SPTBN1: variants seen among roughly 807,000 people sequenced by gnomAD.
The protein encoded by SPTBN1 is spectrin beta chain, non-erythrocytic 1.
In SPTBN1, 32 loss-of-function variants were observed where a neutral mutation model predicts 266.4. The observed-to-expected ratio is 0.12, with a 90% CI of 0.09 to 0.16. SPTBN1 has a LOEUF of 0.16. SPTBN1 is among the 10% of genes least tolerant of loss of function. SPTBN1 has a pLI of 1.00. For missense variants in SPTBN1, 2,296 were observed against 3,067.1 expected, an observed-to-expected ratio of 0.75 and a Z score of 5.94; for synonymous variants, 1,336 against 1,162.2, an observed-to-expected ratio of 1.15 and a Z score of -3.04.
chr2:54,639,827 C>G (rs146828579), intron 18 of SPTBN1, among the ~76,000 whole-genome samples: 3 of 152,324 alleles, frequency 2.0e-5, no homozygotes, highest in African/African-American at 7.2e-5. Context: ...TGTGACTTCT[C>G]CTCAAAGGAC....
intron 1 of SPTBN1, among the ~76,000 whole-genome samples, chr2:54,509,636 A>G (rs1246995850): frequency 6.6e-6 from 1 of 152,248 alleles, no homozygotes. Context: ...GAAAGCCTTC[A>G]TTAATTACAG....
At chr2:54,634,863 T>C (rs1190567429) in intron 17 of SPTBN1, among the ~76,000 whole-genome samples, 3 of 152,062 alleles carry the variant, frequency 2.0e-5, no homozygotes, top group African/African-American at 7.2e-5. Context: ...AAAGTGCCTG[T>C]GAGTGGGAAG....
chr2:54,629,733 GAGA>G lies in SPTBN1; in HGVS notation c.2602_2604del (p.Lys868del). The stretch of plus-strand genomic sequence containing the variant: ...TGATGCCTGTGAGCTCTGGATCGAC[GAGA>G]AGGAGCAGTGGCTCAACAACATGCA... On this transcript the variant is annotated inframe_deletion, in exon 14 of 36. Transcript: ENST00000356805. 3 of 1,612,300 alleles carry G rather than the reference GAGA, an allele frequency of 1.9e-6. No homozygotes were observed. Among genetic ancestry groups the G allele is most frequent in the Non-Finnish European group, 2.5e-6 (3 of 1,180,016 alleles).
chr2:54,668,704 G>C lies in SPTBN1; in HGVS notation c.*135G>C. The C allele has an allele frequency of 8.2e-6, 5 of 607,946 alleles. No individual in the cohort carries two copies. The highest frequency in any genetic ancestry group is 8.1e-4 in the Middle Eastern group (2 of 2,454). The allele number at this position is 607,946 out of a possible 1,614,324, so 37.7% of individuals were successfully genotyped here. On this transcript the variant is annotated 3_prime_UTR_variant, in exon 36 of 36. Transcript: ENST00000356805. ...GATTTTTTTTTTTTTTTAATTTATA[G>C]AGCATTTCGGGGGGGGTGGGGGAAA...
intron 26 of SPTBN1, among the ~76,000 whole-genome samples, chr2:54,650,632 T>G (rs1680213427): frequency 6.6e-6 from 1 of 152,244 alleles, no homozygotes; most frequent in Non-Finnish European, 1.5e-5. Flanking sequence ...TTATCCCTGA[T>G]TATGTCAAGG....
At chr2:54,635,282 G>A (rs941123484) in intron 17 of SPTBN1, among the ~76,000 whole-genome samples, 4 of 152,196 alleles carry the variant, frequency 2.6e-5, no homozygotes, top group South Asian at 2.1e-4. Flanking sequence ...CACTTCCCAC[G>A]AATGATGTCC....
chr2:54,497,805 T>G (rs980439672), intron 1 of SPTBN1, among the ~76,000 whole-genome samples: 1 of 152,142 alleles, frequency 6.6e-6, no homozygotes, highest in Non-Finnish European at 1.5e-5. Flanking sequence ...GAACTGAATT[T>G]TGGGAAGGGC....
chr2:54,481,768 A>AG (rs1250847924), intron 1 of SPTBN1, among the ~76,000 whole-genome samples: 1 of 152,198 alleles, frequency 6.6e-6, no homozygotes, highest in Non-Finnish European at 1.5e-5. Flanking sequence ...GGGTTAGCCA[A>AG]GGGAAGGAAT....
intron 2 of SPTBN1, among the ~76,000 whole-genome samples, chr2:54,536,846 A>T (rs1338859264): frequency 6.6e-6 from 1 of 152,034 alleles, no homozygotes; most frequent in Non-Finnish European, 1.5e-5. Context: ...AGCCTGGCCA[A>T]CATAGTGAGA....
At chr2:54,589,375 G>A (rs1345436910) in intron 2 of SPTBN1, among the ~76,000 whole-genome samples, 1 of 152,110 alleles carries the variant, frequency 6.6e-6, no homozygotes, top group Non-Finnish European at 1.5e-5. Context: ...GCAGTGCCTT[G>A]GTCTCCACAT....
chr2:54,601,550 C>G (rs977805232), intron 3 of SPTBN1, among the ~76,000 whole-genome samples: 2 of 152,138 alleles, frequency 1.3e-5, no homozygotes, highest in African/African-American at 4.8e-5. Context: ...GCTTCCAGGC[C>G]TGGGTAAATG....
chr2:54,470,462 C>T (rs945738385), intron 1 of SPTBN1, among the ~76,000 whole-genome samples: 6 of 152,136 alleles, frequency 3.9e-5, no homozygotes, highest in African/African-American at 9.7e-5. Flanking sequence ...AAGAGTGTAT[C>T]GGTAGCTGGC....
At chr2:54,462,066 A>T (rs1693395142) in intron 1 of SPTBN1, among the ~76,000 whole-genome samples, 1 of 152,244 alleles carries the variant, frequency 6.6e-6, no homozygotes, top group Admixed American at 6.5e-5. Context: ...GGCTACCACT[A>T]GGTACTGGCC....
At chr2:54,627,535 C>G (rs1048675340) in intron 12 of SPTBN1, among the ~76,000 whole-genome samples, 2 of 152,102 alleles carry the variant, frequency 1.3e-5, no homozygotes, top group Non-Finnish European at 2.9e-5. Context: ...GTAAGCTTTT[C>G]AAGTAGATTG....
chr2:54,528,157 G>C (rs878956923), intron 2 of SPTBN1: 1 of 152,642 alleles, frequency 6.6e-6, no homozygotes, highest in South Asian at 2.1e-4. Context: ...GCTTGTGCTA[G>C]TAAAGTGATT....
chr2:54,625,027 A>G, intron 11 of SPTBN1, 65 bp downstream of exon 11: 5 of 1,507,292 alleles, frequency 3.3e-6, no homozygotes, highest in Non-Finnish European at 4.4e-6. Flanking sequence ...GACCATCCCC[A>G]GGGGCATAGG....
intron 2 of SPTBN1, among the ~76,000 whole-genome samples, chr2:54,569,978 C>CG (rs891726787): frequency 1.1e-4 from 16 of 149,520 alleles, no homozygotes; most frequent in South Asian, 2.2e-4. Context: ...CATTCCCCCC[C>CG]CCCTTTAGAA....
chr2:54,658,073 G>T (rs767793374), intron 30 of SPTBN1, 27 bp downstream of exon 30: 2 of 1,613,354 alleles, frequency 1.2e-6, no homozygotes, highest in Non-Finnish European at 1.7e-6. Context: ...CCCTTTGTCT[G>T]TTGGTGCCCT....
rs17344343 is a variant in SPTBN1 at position 54,655,154 on chromosome 2, C to G, written c.5907C>G (p.Thr1969=). ...EIDARNDSFT[T]CIELGKSLLA... Reference sequence around the variant, plus strand: ...ATGCACGTAATGACAGTTTCACAACCTGCATTGAACTTGGGAAATCCCTGT... The same window carrying G: ...ATGCACGTAATGACAGTTTCACAACGTGCATTGAACTTGGGAAATCCCTGT... The change falls in exon 28 of 36, where the codon ACC becomes ACG. Residue 1969 remains threonine (T), a synonymous_variant. Coordinates refer to ENST00000356805, the MANE Select transcript of SPTBN1 (RefSeq NM_003128.3). 2 of 1,614,104 alleles carry G rather than the reference C, an allele frequency of 1.2e-6. No individual in the cohort carries two copies. The highest frequency in any genetic ancestry group is 2.2e-5 in the East Asian group (1 of 44,890).
Sources: gnomAD v4.1 joint callset for allele counts (sites outside exome capture counted in the v4.1 genomes callset) on GRCh38, gnomAD v4.1.1 for gene constraint, MANE v1.5 for transcripts, NCBI Gene and HGNC (gene_info 2026-07-23, HGNC 2026-07-21) for gene names.